Variants in PCDHA13 observed in about 807,000 individuals in gnomAD.
The protein encoded by PCDHA13 is protocadherin alpha-13.
In PCDHA13, 54 loss-of-function variants were observed where a neutral mutation model predicts 64.8. The ratio of observed to expected loss-of-function variants is 0.83; its 90% confidence interval spans 0.67 to 1.04. The LOEUF is 1.04. Ranked by LOEUF, PCDHA13 falls within the 50% of genes least tolerant of loss-of-function variation. The probability of loss-of-function intolerance (pLI) is 0.00; values close to 1 mark genes in which losing one functional copy is unlikely to be tolerated. For missense variants in PCDHA13, 1,248 were observed against 1,254.3 expected (o/e 0.99, Z 0.08); for synonymous variants, 587 against 564.4 (o/e 1.04, Z -0.57).
chr5:140,926,629 G>A, intron 1 of PCDHA13: 1 of 406,364 alleles, frequency 2.5e-6, no homozygotes, highest in African/African-American at 2.1e-5. Context: ...GCGGCGCTGC[G>A]CTCCTCAACA....
rs543390372 is a variant in PCDHA13 at position 140,900,669 on chromosome 5, A to G, written c.2394+16007A>G. 4.8e-4 allele frequency among the ~76,000 whole-genome samples: 73 copies of G among 152,334 alleles called. 1 individual carries two copies. The highest frequency in any genetic ancestry group is 1.5e-3 in the South Asian group (7 of 4,824). On this transcript the variant is annotated intron_variant, in intron 1 of 3. Transcript: ENST00000289272. ...CTGCTGCAATGAACAATGGGAGTGC[A>G]GTTATCTCTTCAATATACTGATTTC...
intron 2 of PCDHA13, 29 bp downstream of exon 2, chr5:140,979,036 A>G: frequency 6.2e-7 from 1 of 1,613,064 alleles, no homozygotes. Context: ...ATTCACTCAG[A>G]AGTAACCTTA....
intron 3 of PCDHA13, among the ~76,000 whole-genome samples, chr5:140,994,064 A>G (rs902624513): frequency 6.6e-6 from 1 of 152,142 alleles, no homozygotes; most frequent in African/African-American, 2.4e-5. Context: ...TATAAATCTA[A>G]TGGTGAAGGG....
chr5:140,927,027 G>A (rs1554203924), intron 1 of PCDHA13: 3 of 1,612,328 alleles, frequency 1.9e-6, no homozygotes, highest in Non-Finnish European at 1.7e-6. Context: ...ACTTGAGGCT[G>A]CCAGCGGCCG....
intron 1 of PCDHA13, among the ~76,000 whole-genome samples, chr5:140,894,258 G>T (rs2153446538): frequency 6.6e-6 from 1 of 151,918 alleles, no homozygotes; most frequent in South Asian, 2.1e-4. Flanking sequence ...TTCTTTACAA[G>T]TGGTAGCTTA....
intron 1 of PCDHA13, among the ~76,000 whole-genome samples, chr5:140,974,766 G>A (rs2096639663): frequency 6.6e-6 from 1 of 152,158 alleles, no homozygotes; most frequent in Non-Finnish European, 1.5e-5. Flanking sequence ...GGGATTACAG[G>A]TATGAGCCAC....
chr5:140,956,701 G>T (rs549659732), intron 1 of PCDHA13, among the ~76,000 whole-genome samples: 1 of 152,138 alleles, frequency 6.6e-6, no homozygotes, highest in Non-Finnish European at 1.5e-5. Context: ...CCATTGTTTG[G>T]AATAGCTTCA....
intron 1 of PCDHA13, among the ~76,000 whole-genome samples, chr5:140,925,108 G>A (rs77719760): frequency 1.1e-3 from 139 of 124,762 alleles, no homozygotes; most frequent in African/African-American, 2.5e-3. Flanking sequence ...GAAGGAAGGA[G>A]GGAAGGAAGG....
At chr5:140,957,255 T>C (rs577479092) in intron 1 of PCDHA13, among the ~76,000 whole-genome samples, 88 of 152,306 alleles carry the variant, frequency 5.8e-4, no homozygotes, top group Non-Finnish European at 1.0e-3. Flanking sequence ...AAAATTTAAA[T>C]ATGTAAGCAC....
chr5:140,951,922 T>C (rs191831107), intron 1 of PCDHA13, among the ~76,000 whole-genome samples: 135 of 152,266 alleles, frequency 8.9e-4, no homozygotes, highest in Non-Finnish European at 1.0e-3. Flanking sequence ...AACAAGTTAG[T>C]TACTCCCAAG....
At chr5:140,999,894 G>A (rs1260070986) in intron 3 of PCDHA13, among the ~76,000 whole-genome samples, 3 of 152,096 alleles carry the variant, frequency 2.0e-5, no homozygotes, top group African/African-American at 7.2e-5. Flanking sequence ...TGTAGCTTGG[G>A]ACACCAAACA....
At chr5:140,925,938 T>C (rs1357099773) in intron 1 of PCDHA13, among the ~76,000 whole-genome samples, 1 of 138,492 alleles carries the variant, frequency 7.2e-6, no homozygotes, top group Non-Finnish European at 1.5e-5. Context: ...GTAGAGCCTC[T>C]TGGAGAAGGA....
chr5:140,912,343 A>AT (rs35252606), intron 1 of PCDHA13, among the ~76,000 whole-genome samples: 1,442 of 143,856 alleles, frequency 0.01, 7 homozygotes, highest in South Asian at 0.021. Flanking sequence ...TACACTAAGT[A>AT]TTTTTTTTTT....
At chr5:140,912,797 G>C (rs2076071117) in intron 1 of PCDHA13, among the ~76,000 whole-genome samples, 1 of 152,128 alleles carries the variant, frequency 6.6e-6, no homozygotes, top group South Asian at 2.1e-4. Flanking sequence ...CAATTTTCTT[G>C]AGGGTTTTTA....
rs1444177179 is a variant in PCDHA13 at position 140,984,821 on chromosome 5, T to C, written c.2542+2258T>C. On this transcript the variant is annotated intron_variant, in intron 3 of 3. Transcript: ENST00000289272. ...CTGCCTGAATTCATATTTTCTTAAT[T>C]ACCCTTTCTGTAAATTGGGTGTAGT... Among the ~76,000 whole-genome samples, 4 of 152,192 alleles carry C rather than the reference T, an allele frequency of 2.6e-5. No individual in the cohort carries two copies. In the East Asian group the frequency reaches 7.7e-4, roughly 29 times the overall value.
rs782116961 is a variant in PCDHA13, at chr5:140,966,933, C to T, written c.2395-12016C>T. On this transcript the variant is annotated intron_variant, in intron 1 of 3. Transcript: ENST00000289272. ...GTGCCAGAGGAGCAGGCACCCGGCGCGCTCGTGGGCAACGTGGCTCGCGCG... is the reference window on the plus strand; with the variant it reads ...GTGCCAGAGGAGCAGGCACCCGGCGTGCTCGTGGGCAACGTGGCTCGCGCG... 2.5e-6 allele frequency: 4 copies of T among 1,603,904 alleles called. No individual in the cohort carries two copies. The highest frequency in any genetic ancestry group is 1.1e-5 in the South Asian group (1 of 90,778).
At chr5:140,938,469 T>C (rs1172900934) in intron 1 of PCDHA13, among the ~76,000 whole-genome samples, 1 of 152,218 alleles carries the variant, frequency 6.6e-6, no homozygotes, top group South Asian at 2.1e-4. Flanking sequence ...TAATTTATTA[T>C]GTTTTTTAAA....
chr5:140,927,484 A>G (rs1554204601), intron 1 of PCDHA13: 2 of 1,613,906 alleles, frequency 1.2e-6, no homozygotes, highest in East Asian at 2.2e-5. Flanking sequence ...ACAGCGCGCC[A>G]CCCACCTGCT....
chr5:140,908,351 AACTT>A (rs1422870011), intron 1 of PCDHA13, among the ~76,000 whole-genome samples: 5 of 152,154 alleles, frequency 3.3e-5, no homozygotes, highest in African/African-American at 1.2e-4. Context: ...TACCTCATGT[AACTT>A]ACTTGTGCCT....
Sources: allele counts gnomAD v4.1 joint callset (sites outside exome capture counted in the v4.1 genomes callset), GRCh38; gene constraint gnomAD v4.1.1; transcripts MANE v1.5; gene names NCBI Gene and HGNC (gene_info 2026-07-23, HGNC 2026-07-21).